The following GDPD1 variants were observed in gnomAD, a reference collection of about 807,000 sequenced individuals.
The protein encoded by GDPD1 is lysophospholipase D GDPD1.
In GDPD1, 28 loss-of-function variants were observed where a neutral mutation model predicts 45.1. That is an observed-to-expected ratio of 0.62 (90% CI 0.46 to 0.85). The LOEUF is 0.85. GDPD1 is among the 40% of genes least tolerant of loss of function. GDPD1 has a pLI of 0.00. For missense variants in GDPD1, 256 were observed against 364.8 expected (o/e 0.70, Z 2.43); for synonymous variants, 139 against 131.4 (o/e 1.06, Z -0.40).
At chr17:59,225,414 G>T (rs2047040315) in intron 1 of GDPD1, among the ~76,000 whole-genome samples, 1 of 151,852 alleles carries the variant, frequency 6.6e-6, no homozygotes, top group South Asian at 2.1e-4. Context: ...TATTTTCAAA[G>T]CAAGGTAGTT....
chr17:59,263,224 G>A (rs2047371580), intron 6 of GDPD1, among the ~76,000 whole-genome samples: 2 of 152,100 alleles, frequency 1.3e-5, no homozygotes, highest in Middle Eastern at 3.4e-3. Flanking sequence ...TAGAGATGGA[G>A]TCTCTCTGTA....
intron 6 of GDPD1, among the ~76,000 whole-genome samples, chr17:59,263,788 C>T (rs2047377989): frequency 6.6e-6 from 1 of 151,732 alleles, no homozygotes; most frequent in Non-Finnish European, 1.5e-5. Context: ...CCTACTTTTG[C>T]AATTCTTACA....
Position 59,257,210 on chromosome 17 carries a change from C to T in GDPD1, c.456C>T (p.Ile152=). The T allele has an allele frequency of 6.3e-7, 1 of 1,594,912 alleles. No individual in the cohort carries two copies. Among genetic ancestry groups the T allele is most frequent in the Non-Finnish European group, 8.6e-7 (1 of 1,168,992 alleles). Residue 152 remains isoleucine (I), a synonymous_variant, in exon 5 of 10, where the codon ATC becomes ATT. Transcript: ENST00000284116. ...CTAACACTCCCATTAACATCGATAT[C>T]AAAGTCAACAACAATGTGCTGATTA... ...AFPNTPINID[I]KVNNNVLIKK...
Position 59,257,178 on chromosome 17 carries a change from G to C in GDPD1, c.424G>C (p.Ala142Pro). 1 of 1,608,710 alleles carries C rather than the reference G, an allele frequency of 6.2e-7. No individual in the cohort carries two copies. The highest frequency in any genetic ancestry group is 8.5e-7 in the Non-Finnish European group (1 of 1,177,442). Residue 142 changes from alanine to proline, a missense_variant, in exon 5 of 10, where the codon GCC becomes CCC. Physicochemically the swap from Ala to Pro is conservative, Grantham distance 27. Coordinates refer to ENST00000284116, the MANE Select transcript of GDPD1 (RefSeq NM_182569.4). ...RIPLLKEVFE[A>P]FPNTPINIDI... ...TCCATTACTGAAGGAAGTTTTTGAG[G>C]CCTTTCCTAACACTCCCATTAACAT...
chr17:59,225,603 C>T (rs1042436546), intron 1 of GDPD1, among the ~76,000 whole-genome samples: 5 of 152,196 alleles, frequency 3.3e-5, no homozygotes, highest in Non-Finnish European at 5.9e-5. Context: ...GCTGGGATTA[C>T]AGGCATGAGC....
In GDPD1 at chr17:59,275,192, T is replaced by C. The variant is rs1188735353; in HGVS notation, c.*1419T>C. ...GCAGCTATTTGGTAGTGTCTTGTTA[T>C]TTCTAGGTGTACCTTAGTTAAAGAG... On this transcript the variant is annotated 3_prime_UTR_variant, in exon 10 of 10. Coordinates refer to ENST00000284116, the MANE Select transcript of GDPD1 (RefSeq NM_182569.4). 1.3e-6 allele frequency: 2 copies of C among 1,537,164 alleles called. No homozygotes were observed. The highest frequency in any genetic ancestry group is 2.4e-5 in the South Asian group (2 of 84,050).
chr17:59,230,318 C>T (rs973389958), intron 1 of GDPD1, among the ~76,000 whole-genome samples: 7 of 145,710 alleles, frequency 4.8e-5, no homozygotes, highest in East Asian at 3.9e-4. Flanking sequence ...AGATCTCAAG[C>T]GATGAAGTTA....
chr17:59,249,471 A>G (rs920982874), intron 4 of GDPD1, among the ~76,000 whole-genome samples: 1 of 152,200 alleles, frequency 6.6e-6, no homozygotes, highest in Non-Finnish European at 1.5e-5. Flanking sequence ...ACCCCTTTCA[A>G]ATCCTTTCTG....
chr17:59,247,694 A>G (rs1356340104), intron 3 of GDPD1, among the ~76,000 whole-genome samples: 1 of 151,940 alleles, frequency 6.6e-6, no homozygotes, highest in East Asian at 1.9e-4. Context: ...CAATGGCGCA[A>G]TCTTGGCTCA....
intron 4 of GDPD1, among the ~76,000 whole-genome samples, chr17:59,255,815 G>T (rs1324481290): frequency 4.1e-5 from 2 of 49,158 alleles, no homozygotes; most frequent in Non-Finnish European, 6.4e-5. Context: ...ATATATACGC[G>T]TATATATATA....
rs768385181 is a variant in GDPD1 at position 59,275,033 on chromosome 17, G to C, written c.*1260G>C. ...ATTTTTGTATTTTTAGTAGAGACAG[G>C]GTTTTGCCACGTTGGCCAGACTGGT... On this transcript the variant is annotated 3_prime_UTR_variant, in exon 10 of 10. Coordinates refer to ENST00000284116, the MANE Select transcript of GDPD1 (RefSeq NM_182569.4). The C allele has an allele frequency of 9.8e-6, 7 of 712,824 alleles. No homozygotes were observed. The highest frequency in any genetic ancestry group is 1.7e-5 in the Non-Finnish European group (7 of 412,826). 44.2% of individuals were successfully genotyped at this position (712,824 alleles called of 1,614,324 possible).
intron 2 of GDPD1, among the ~76,000 whole-genome samples, chr17:59,235,011 C>T (rs2047120953): frequency 6.7e-6 from 1 of 148,474 alleles, no homozygotes; most frequent in Admixed American, 6.8e-5. Context: ...TTTTTAAATT[C>T]CTATATATAA....
intron 4 of GDPD1, among the ~76,000 whole-genome samples, chr17:59,256,442 A>C (rs917018749): frequency 6.6e-5 from 10 of 152,228 alleles, no homozygotes; most frequent in Non-Finnish European, 1.5e-5. Flanking sequence ...GAATAACTGC[A>C]TTCATATAAT....
chr17:59,242,566 A>G (rs1252824090), intron 2 of GDPD1, among the ~76,000 whole-genome samples: 2 of 152,196 alleles, frequency 1.3e-5, no homozygotes, highest in Non-Finnish European at 2.9e-5. Flanking sequence ...AAAAATTTAC[A>G]CACAAACTTT....
intron 9 of GDPD1, chr17:59,273,041 C>T (rs895279782): frequency 9.5e-6 from 10 of 1,057,316 alleles, no homozygotes; most frequent in Non-Finnish European, 1.3e-5. Context: ...CTCTTATGTA[C>T]AGAATAGCTG....
intron 1 of GDPD1, among the ~76,000 whole-genome samples, chr17:59,221,796 C>T (rs2147869888): frequency 1.3e-5 from 2 of 152,234 alleles, no homozygotes; most frequent in South Asian, 4.2e-4. Context: ...TTAATACACA[C>T]TTGAAATGAT....
intron 1 of GDPD1, among the ~76,000 whole-genome samples, chr17:59,224,756 A>G (rs1359309854): frequency 6.6e-6 from 1 of 152,078 alleles, no homozygotes; most frequent in African/African-American, 2.4e-5. Context: ...CAGGAATTTG[A>G]GGTTGTTGCT....
intron 5 of GDPD1, 74 bp downstream of exon 5, chr17:59,257,314 T>A: frequency 1.4e-6 from 1 of 729,726 alleles, no homozygotes; most frequent in Non-Finnish European, 2.3e-6. Flanking sequence ...AGTCAGTGAC[T>A]GCATAGATTG....
intron 4 of GDPD1, among the ~76,000 whole-genome samples, chr17:59,254,532 AATATATATACAT>A (rs977782438): frequency 6.6e-6 from 1 of 152,094 alleles, no homozygotes; most frequent in African/African-American, 2.4e-5. Context: ...CCTGTCTCAA[AATATATATACAT>A]ATATATATAA....
Sources: allele counts gnomAD v4.1 joint callset (sites outside exome capture counted in the v4.1 genomes callset), GRCh38; gene constraint gnomAD v4.1.1; transcripts MANE v1.5; gene names NCBI Gene and HGNC (gene_info 2026-07-23, HGNC 2026-07-21).